SAMSN1: variants seen among roughly 807,000 people sequenced by gnomAD.
SAMSN1 encodes the protein SAM domain, SH3 domain and nuclear localization signals 1, also known as SAM domain-containing protein SAMSN-1.
In SAMSN1, 31 loss-of-function variants were observed where a neutral mutation model predicts 42.0. The observed-to-expected ratio is 0.74, with a 90% CI of 0.55 to 1.00. SAMSN1 has a LOEUF of 1.00. SAMSN1 is among the 50% of genes least tolerant of loss of function. The pLI, the probability that SAMSN1 is intolerant of heterozygous loss-of-function variation, is 0.00. For synonymous variants in SAMSN1, 178 were observed against 151.9 expected, an observed-to-expected ratio of 1.17 and a Z score of -1.26; for missense variants, 464 against 439.4, an observed-to-expected ratio of 1.06 and a Z score of -0.50.
chr21:14,507,606 T>C (rs1274176913), intron 5 of SAMSN1, among the ~76,000 whole-genome samples: 2 of 152,168 alleles, frequency 1.3e-5, no homozygotes. Flanking sequence ...ATCAATATTG[T>C]GAAAAGGACC....
chr21:14,636,909 T>A (rs1297147671), intron 2 of SAMSN1, among the ~76,000 whole-genome samples: 2 of 152,170 alleles, frequency 1.3e-5, no homozygotes, highest in Admixed American at 6.5e-5. Context: ...TTATCAAGTA[T>A]TGTTATACTT....
At chr21:14,558,327 A>G (rs1980829508) in intron 2 of SAMSN1, among the ~76,000 whole-genome samples, 1 of 152,132 alleles carries the variant, frequency 6.6e-6, no homozygotes, top group African/African-American at 2.4e-5. Flanking sequence ...ATTAGACAAC[A>G]TGAGAAAAAA....
At chr21:14,562,552 G>A (rs1247698894) in intron 2 of SAMSN1, among the ~76,000 whole-genome samples, 3 of 149,596 alleles carry the variant, frequency 2.0e-5, no homozygotes, top group African/African-American at 7.3e-5. Flanking sequence ...ATATATGTAT[G>A]TATATAATAC....
chr21:14,510,594 C>A lies in SAMSN1; in HGVS notation c.410-133G>T, dbSNP rs1987646242. The A allele has an allele frequency of 4.9e-5, 48 of 985,586 alleles. 3 individuals carry two copies. The South Asian group carries it at 7.3e-4, about 15-fold the overall frequency. 61.1% of individuals were successfully genotyped at this position (985,586 alleles called of 1,614,324 possible). On this transcript the variant is annotated intron_variant, in intron 4 of 7. Transcript: ENST00000400566. ...CCTGAGGAAGTTCTAATTGACCCAT[C>A]CTGGTGTCTGTCTTCCAGTTACTCT...
At position 14,489,465 on chromosome 21, in the gene SAMSN1, C is replaced by G. The variant is rs1158567523; in HGVS notation, c.920-3351G>C. Among the ~76,000 whole-genome samples, 3 of 152,118 alleles carry G rather than the reference C, an allele frequency of 2.0e-5. 1 individual carries two copies. Among genetic ancestry groups the G allele is most frequent in the Admixed American group, 2.0e-4 (3 of 15,272 alleles). ...TTCCCTCTATTTCTCAGGTCATCCA[C>G]ATTGTTTTTAATGAAAGAATTAAAA... is the stretch of plus-strand genomic sequence containing the variant. On this transcript the variant is annotated intron_variant, in intron 7 of 7. Coordinates refer to ENST00000400566, the MANE Select transcript of SAMSN1 (RefSeq NM_022136.5).
intron 7 of SAMSN1, among the ~76,000 whole-genome samples, chr21:14,588,989 T>C (rs1288684687): frequency 6.6e-6 from 1 of 152,188 alleles, no homozygotes; most frequent in Admixed American, 6.5e-5. Context: ...GTATATACTA[T>C]GTATTTCATA....
intron 2 of SAMSN1, among the ~76,000 whole-genome samples, chr21:14,618,650 C>CTG (rs1353519863): frequency 9.3e-6 from 1 of 107,640 alleles, no homozygotes; most frequent in Non-Finnish European, 1.9e-5. Context: ...AGAACCACAG[C>CTG]TGTGTATGTG....
intron 1 of SAMSN1, among the ~76,000 whole-genome samples, chr21:14,540,375 A>T (rs1028035102): frequency 6.6e-6 from 1 of 152,150 alleles, no homozygotes; most frequent in Non-Finnish European, 1.5e-5. Flanking sequence ...ATGGGAGAAA[A>T]TTTTTGCAAT....
chr21:14,492,515 C>T (rs954068743), intron 7 of SAMSN1, among the ~76,000 whole-genome samples: 5 of 152,144 alleles, frequency 3.3e-5, no homozygotes, highest in African/African-American at 1.2e-4. Context: ...ATAGAAGATT[C>T]GGTCTTGTTT....
chr21:14,634,422 A>G (rs1238332335), intron 2 of SAMSN1, among the ~76,000 whole-genome samples: 1 of 152,190 alleles, frequency 6.6e-6, no homozygotes, highest in Non-Finnish European at 1.5e-5. Context: ...CCATGTGACA[A>G]AGGTCTAGTA....
chr21:14,507,015 C>A (rs1380501240), intron 5 of SAMSN1, among the ~76,000 whole-genome samples: 1 of 151,990 alleles, frequency 6.6e-6, no homozygotes, highest in African/African-American at 2.4e-5. Flanking sequence ...TAAAACTCAG[C>A]AAAATAGGCA....
At chr21:14,649,447 A>T (rs961883402) in intron 1 of SAMSN1, among the ~76,000 whole-genome samples, 2 of 152,090 alleles carry the variant, frequency 1.3e-5, no homozygotes, top group Non-Finnish European at 2.9e-5. Flanking sequence ...ATTTTAAAAA[A>T]AGTTATGAAA....
chr21:14,589,087 T>C (rs555151894), intron 7 of SAMSN1, among the ~76,000 whole-genome samples: 1 of 152,274 alleles, frequency 6.6e-6, no homozygotes, highest in East Asian at 1.9e-4. Flanking sequence ...AAGTGCTTGG[T>C]TAAATATATC....
chr21:14,506,659 T>C (rs552438990), intron 5 of SAMSN1, among the ~76,000 whole-genome samples: 7 of 152,008 alleles, frequency 4.6e-5, no homozygotes, highest in Admixed American at 1.3e-4. Context: ...TCCCACAAGA[T>C]AGAGAAAGAA....
At chr21:14,492,097 C>T (rs1346921839) in intron 7 of SAMSN1, among the ~76,000 whole-genome samples, 1 of 151,966 alleles carries the variant, frequency 6.6e-6, no homozygotes, top group African/African-American at 2.4e-5. Context: ...TTAGTTTTTA[C>T]CCAAAACTAC....
At chr21:14,576,696 A>G (rs1981478373) in intron 2 of SAMSN1, among the ~76,000 whole-genome samples, 1 of 152,216 alleles carries the variant, frequency 6.6e-6, no homozygotes, top group Non-Finnish European at 1.5e-5. Context: ...GAGTTCATAC[A>G]AGATTCCAAA....
intron 5 of SAMSN1, chr21:14,609,461 T>G: frequency 1.4e-6 from 1 of 717,626 alleles, no homozygotes; most frequent in Non-Finnish European, 2.6e-6. Flanking sequence ...CAAAGTCAGC[T>G]GAACTAAATT....
intron 2 of SAMSN1, among the ~76,000 whole-genome samples, chr21:14,636,664 C>T (rs1283537421): frequency 3.3e-5 from 5 of 152,120 alleles, no homozygotes; most frequent in Non-Finnish European, 5.9e-5. Context: ...TCCTGGCCAA[C>T]ATGGTGAAAC....
chr21:14,571,151 A>G (rs1006826516), intron 2 of SAMSN1, among the ~76,000 whole-genome samples: 1 of 152,176 alleles, frequency 6.6e-6, no homozygotes, highest in Non-Finnish European at 1.5e-5. Flanking sequence ...CTGGCATTTC[A>G]TGTTTATTTA....
Sources: gnomAD v4.1 joint callset for allele counts (sites outside exome capture counted in the v4.1 genomes callset) on GRCh38, gnomAD v4.1.1 for gene constraint, MANE v1.5 for transcripts, NCBI Gene and HGNC (gene_info 2026-07-23, HGNC 2026-07-21) for gene names.